Variants in GOLGB1 observed in about 807,000 individuals in gnomAD.
GOLGB1 encodes the protein golgin B1.
Under a neutral mutation model 336.9 loss-of-function variants are expected in GOLGB1, and 174 were observed. That is an observed-to-expected ratio of 0.52 (90% CI 0.46 to 0.59). GOLGB1 has a LOEUF of 0.59. GOLGB1 is among the 20% of genes least tolerant of loss of function. The pLI is 0.00. For synonymous variants in GOLGB1, 1,208 were observed against 1,289.2 expected (o/e 0.94, Z 1.35); for missense variants, 3,331 against 3,645.3 (o/e 0.91, Z 2.22).
At chr3:121,747,150 TTATATATATA>T (rs548032779) in intron 1 of GOLGB1, among the ~76,000 whole-genome samples, 4,405 of 49,534 alleles carry the variant, frequency 0.089, 200 homozygotes, top group East Asian at 0.11. Flanking sequence ...TACATGGATG[TTATATATATA>T]TATATATATA....
chr3:121,679,517 T>C (rs949829167), intron 15 of GOLGB1, among the ~76,000 whole-genome samples: 2 of 152,176 alleles, frequency 1.3e-5, no homozygotes, highest in Non-Finnish European at 2.9e-5. Context: ...GTACCAAGTT[T>C]ACTCAGTCTT....
chr3:121,745,460 A>G (rs966815999), intron 1 of GOLGB1, among the ~76,000 whole-genome samples: 63 of 136,092 alleles, frequency 4.6e-4, no homozygotes, highest in African/African-American at 1.6e-3. Flanking sequence ...ACGTGTATGT[A>G]TATATACATA....
Position 121,696,680 on chromosome 3 carries a change from A to G in GOLGB1, c.3843T>C (p.Thr1281=). 1.9e-6 allele frequency: 3 copies of G among 1,614,108 alleles called. No individual in the cohort carries two copies. The highest frequency in any genetic ancestry group is 2.5e-6 in the Non-Finnish European group (3 of 1,179,998). Residue 1281 remains threonine, a synonymous_variant, in exon 13 of 22, where the codon ACT becomes ACC. Coordinates refer to ENST00000614479, the MANE Select transcript of GOLGB1 (RefSeq NM_001366282.2). The part of the protein sequence containing the change: ...PLFKATEQHH[T]QPVLESNLCP... ...ACAAGTTGGACTCTAAAACAGGTTG[A>G]GTGTGATGCTGTTCTGTGGCTTTGA...
Position 121,691,078 on chromosome 3 carries a change from C to T in GOLGB1, c.8286G>A (p.Leu2762=). 6.2e-7 allele frequency: 1 copy of T among 1,614,096 alleles called. No homozygotes were observed. The highest frequency in any genetic ancestry group is 8.5e-7 in the Non-Finnish European group (1 of 1,180,012). Residue 2762 remains leucine (L), a synonymous_variant, in exon 14 of 22, where the codon CTG becomes CTA. Coordinates refer to ENST00000614479, the MANE Select transcript of GOLGB1 (RefSeq NM_001366282.2). ...RDHANEELDE[L]KRKYDASLKE... ...TCAGACTGGCATCATATTTCCTTTT[C>T]AGTTCATCAAGTTCCTCATTGGCAT...
At position 121,692,373 on chromosome 3, in the gene GOLGB1, T is replaced by C. The variant is rs1218849652; in HGVS notation, c.6991A>G (p.Asn2331Asp). 5 of 1,607,200 alleles carry C rather than the reference T, an allele frequency of 3.1e-6. No homozygotes were observed. Among genetic ancestry groups the C allele is most frequent in the Non-Finnish European group, 4.2e-6 (5 of 1,178,272 alleles). Residue 2331 changes from asparagine to aspartate, a missense_variant, in exon 14 of 22, where the codon AAC becomes GAC. Physicochemically the swap from Asn to Asp is conservative, Grantham distance 23. Coordinates refer to ENST00000614479, the MANE Select transcript of GOLGB1 (RefSeq NM_001366282.2). ...TGTTCCTTACATTTTTCTAAAGAGT[T>C]ACTTAAATCAGTCAACTGGTCTTTG... The part of the protein sequence containing the change: ...SLKDQLTDLS[N>D]SLEKCKEQKG...
intron 5 of GOLGB1, among the ~76,000 whole-genome samples, chr3:121,723,003 T>C (rs984887319): frequency 3.3e-5 from 5 of 152,088 alleles, no homozygotes; most frequent in African/African-American, 1.2e-4. Context: ...TTCTGAGACA[T>C]GAACCTGTAC....
At chr3:121,720,281 C>T (rs1276290494) in intron 6 of GOLGB1, among the ~76,000 whole-genome samples, 1 of 152,186 alleles carries the variant, frequency 6.6e-6, no homozygotes, top group Admixed American at 6.5e-5. Flanking sequence ...ATTGCTTCTA[C>T]CAAAGAACCT....
At chr3:121,730,571 C>G (rs780883420) in intron 2 of GOLGB1, among the ~76,000 whole-genome samples, 3 of 152,152 alleles carry the variant, frequency 2.0e-5, no homozygotes, top group Non-Finnish European at 4.4e-5. Flanking sequence ...TTAGACCTTT[C>G]CTGTGGAAAA....
intron 7 of GOLGB1, among the ~76,000 whole-genome samples, chr3:121,719,049 G>A (rs929477363): frequency 5.9e-5 from 9 of 152,084 alleles, no homozygotes; most frequent in Non-Finnish European, 1.0e-4. Context: ...AAAAGTTTCC[G>A]TTCTAATTAA....
chr3:121,739,102 A>AT (rs1204463380), intron 1 of GOLGB1, among the ~76,000 whole-genome samples: 2 of 151,946 alleles, frequency 1.3e-5, no homozygotes, highest in African/African-American at 2.4e-5. Flanking sequence ...TCTCTACAAA[A>AT]TTTTTTTAAA....
At chr3:121,708,609 G>A (rs546481641) in intron 10 of GOLGB1, among the ~76,000 whole-genome samples, 17 of 152,196 alleles carry the variant, frequency 1.1e-4, no homozygotes, top group African/African-American at 4.1e-4. Context: ...CTCCAGCCTG[G>A]GTGAGAGAAC....
intron 5 of GOLGB1, among the ~76,000 whole-genome samples, chr3:121,726,433 C>CAAAAAAAAAAAAAAAAAAAAAAAAAA (rs10547964): frequency 1.3e-4 from 8 of 61,420 alleles, no homozygotes; most frequent in African/African-American, 2.1e-4. Flanking sequence ...CACCCTGTCT[C>CAAAAAAAAAAAAAAAAAAAAAAAAAA]AAAAAAAAAA....
In GOLGB1 at chr3:121,717,050, T is replaced by C. The variant is rs115980815; in HGVS notation, c.975A>G (p.Leu325=). 5.0e-6 allele frequency: 8 copies of C among 1,613,340 alleles called. No individual in the cohort carries two copies. In the East Asian group the frequency reaches 1.1e-4, roughly 22 times the overall value. Residue 325 remains leucine (L), a synonymous_variant, in exon 9 of 22, where the codon CTA becomes CTG. Transcript: ENST00000614479. The part of the protein sequence containing the change: ...VETEREESKI[L]LEKMELEVAE... ...CCACTTCAAGTTCCATCTTTTCCAG[T>C]AGAATCTTGGACTCCTCTCTTTCTG... is the stretch of plus-strand genomic sequence containing the variant.
intron 17 of GOLGB1, among the ~76,000 whole-genome samples, chr3:121,670,699 G>A (rs929039011): frequency 6.7e-6 from 1 of 149,652 alleles, no homozygotes; most frequent in Non-Finnish European, 1.5e-5. Context: ...ACTATCTGAT[G>A]GTGTCCAGTC....
intron 17 of GOLGB1, among the ~76,000 whole-genome samples, chr3:121,669,635 A>G (rs1338118347): frequency 6.6e-6 from 1 of 152,188 alleles, no homozygotes; most frequent in Non-Finnish European, 1.5e-5. Flanking sequence ...CATGAAGCAG[A>G]AGTCCATAAG....
chr3:121,678,723 A>T (rs1940715004), intron 15 of GOLGB1, among the ~76,000 whole-genome samples: 1 of 152,136 alleles, frequency 6.6e-6, no homozygotes, highest in South Asian at 2.1e-4. Flanking sequence ...GCACGCCACC[A>T]TGCCCAGCTA....
intron 11 of GOLGB1, among the ~76,000 whole-genome samples, chr3:121,700,214 T>C (rs1943283364): frequency 6.6e-6 from 1 of 152,106 alleles, no homozygotes; most frequent in South Asian, 2.1e-4. Context: ...ACATATAATT[T>C]ATCCATAATC....
At chr3:121,722,199 G>T in intron 6 of GOLGB1, 63 bp downstream of exon 6, 2 of 873,476 alleles carry the variant, frequency 2.3e-6, no homozygotes, top group South Asian at 2.8e-5. Context: ...TCACTGAATT[G>T]ACTTGTGCGT....
chr3:121,715,234 C>T (rs1944665784), intron 9 of GOLGB1, among the ~76,000 whole-genome samples: 1 of 147,758 alleles, frequency 6.8e-6, no homozygotes, highest in African/African-American at 2.5e-5. Flanking sequence ...TACGGAGTCT[C>T]CCTCTGTTGC....
Sources: gnomAD v4.1 joint callset for allele counts (sites outside exome capture counted in the v4.1 genomes callset) on GRCh38, gnomAD v4.1.1 for gene constraint, MANE v1.5 for transcripts, NCBI Gene and HGNC (gene_info 2026-07-23, HGNC 2026-07-21) for gene names.